The following RBFOX1 variants were observed in gnomAD, a reference collection of about 807,000 sequenced individuals.
RBFOX1 encodes the protein RNA binding fox-1 homolog 1.
A neutral mutation model predicts 57.7 loss-of-function variants in RBFOX1; 8 were observed. That is an observed-to-expected ratio of 0.14 (90% CI 0.08 to 0.25). The LOEUF is 0.25. Ranked by LOEUF, RBFOX1 falls within the 10% of genes least tolerant of loss-of-function variation. The pLI is 1.00. For missense variants in RBFOX1, 611 were observed against 548.5 expected (o/e 1.11, Z -1.14); for synonymous variants, 326 against 222.4 (o/e 1.47, Z -4.15).
intron 4 of RBFOX1, among the ~76,000 whole-genome samples, chr16:7,464,254 A>T (rs1050411307): frequency 6.6e-6 from 1 of 152,204 alleles, no homozygotes; most frequent in Admixed American, 6.5e-5. Context: ...ATAATGGTGG[A>T]CAGTTTAGCC....
At chr16:5,371,519 C>G (rs1248874768) in intron 1 of RBFOX1, among the ~76,000 whole-genome samples, 1 of 152,156 alleles carries the variant, frequency 6.6e-6, no homozygotes, top group African/African-American at 2.4e-5. Flanking sequence ...TTAAGCCACC[C>G]CACCTGTGAC....
At chr16:7,349,497 C>G (rs1422073121) in intron 4 of RBFOX1, among the ~76,000 whole-genome samples, 1 of 151,780 alleles carries the variant, frequency 6.6e-6, no homozygotes, top group Non-Finnish European at 1.5e-5. Flanking sequence ...CCAGCCAGTC[C>G]TTGTCAGAAT....
chr16:7,190,256 G>A (rs2085042185), intron 4 of RBFOX1, among the ~76,000 whole-genome samples: 1 of 152,278 alleles, frequency 6.6e-6, no homozygotes, highest in South Asian at 2.1e-4. Context: ...CGACTCGGGA[G>A]GCTGAGGCAG....
chr16:5,669,255 G>A (rs558004851), intron 3 of RBFOX1, among the ~76,000 whole-genome samples: 36 of 152,050 alleles, frequency 2.4e-4, no homozygotes, highest in African/African-American at 8.0e-4. Flanking sequence ...GCTTGGTGGG[G>A]GAGTGGCCAC....
chr16:6,510,182 C>G (rs370754622), intron 2 of RBFOX1, among the ~76,000 whole-genome samples: 3 of 152,168 alleles, frequency 2.0e-5, no homozygotes, highest in Non-Finnish European at 4.4e-5. Context: ...CTCTCTTCCT[C>G]ATTATAAAGA....
intron 4 of RBFOX1, among the ~76,000 whole-genome samples, chr16:7,287,179 C>G (rs899297617): frequency 4.6e-5 from 7 of 152,142 alleles, no homozygotes; most frequent in African/African-American, 1.2e-4. Flanking sequence ...TCTCATTTGC[C>G]TGAGGAAAGT....
At chr16:6,724,792 A>G (rs551930031) in intron 3 of RBFOX1, among the ~76,000 whole-genome samples, 12 of 152,144 alleles carry the variant, frequency 7.9e-5, no homozygotes, top group African/African-American at 2.9e-4. Flanking sequence ...TTTGTTACAT[A>G]AGTAAATGTG....
intron 1 of RBFOX1, among the ~76,000 whole-genome samples, chr16:5,313,377 A>T (rs903637667): frequency 6.6e-6 from 1 of 152,142 alleles, no homozygotes; most frequent in African/African-American, 2.4e-5. Context: ...CATTAGTGCC[A>T]TTGCTGTGTC....
intron 4 of RBFOX1, among the ~76,000 whole-genome samples, chr16:7,393,217 C>A (rs779455596): frequency 6.6e-6 from 1 of 152,092 alleles, no homozygotes; most frequent in African/African-American, 2.4e-5. Context: ...GTCAATGGTT[C>A]TGAGATCTGA....
intron 1 of RBFOX1, among the ~76,000 whole-genome samples, chr16:6,264,361 C>G (rs76453958): frequency 0.025 from 3,857 of 152,216 alleles, 111 homozygotes; most frequent in African/African-American, 0.07. Flanking sequence ...GCAGTGGGCT[C>G]CAGAGTCATC....
At chr16:7,604,327 G>C (rs553949547) in intron 9 of RBFOX1, among the ~76,000 whole-genome samples, 1 of 152,138 alleles carries the variant, frequency 6.6e-6, no homozygotes, top group Non-Finnish European at 1.5e-5. Flanking sequence ...AGGATGGGAA[G>C]AAGGTTGACA....
intron 3 of RBFOX1, among the ~76,000 whole-genome samples, chr16:7,048,200 T>C (rs1213109678): frequency 6.6e-6 from 1 of 152,028 alleles, no homozygotes; most frequent in Admixed American, 6.6e-5. Context: ...TTTTATTTTT[T>C]TAAAAAAATT....
intron 3 of RBFOX1, among the ~76,000 whole-genome samples, chr16:6,768,916 A>G (rs1405731375): frequency 6.6e-6 from 1 of 151,992 alleles, no homozygotes; most frequent in East Asian, 1.9e-4. Context: ...TTTAGGAGAG[A>G]TGGGGTTTCA....
intron 3 of RBFOX1, among the ~76,000 whole-genome samples, chr16:7,003,529 G>A (rs2093024618): frequency 6.6e-6 from 1 of 151,672 alleles, no homozygotes; most frequent in Non-Finnish European, 1.5e-5. Context: ...TGCTCTCAGG[G>A]ATGCATATTT....
At chr16:6,754,308 C>T (rs1007810319) in intron 3 of RBFOX1, among the ~76,000 whole-genome samples, 1 of 152,124 alleles carries the variant, frequency 6.6e-6, no homozygotes, top group South Asian at 2.1e-4. Flanking sequence ...TATCCTCAAT[C>T]CAAATTGCAT....
At position 5,380,322 on chromosome 16, in the gene RBFOX1, T is replaced by G. The variant is rs543249940; in HGVS notation, c.220-86894T>G. ...GAATTATTCAATCTATCATTGTGCCTCTGTCCCAAGGATAGACGTACAGAG... is the reference window on the plus strand; with the variant it reads ...GAATTATTCAATCTATCATTGTGCCGCTGTCCCAAGGATAGACGTACAGAG... On this transcript the variant is annotated intron_variant, in intron 1 of 2. Coordinates refer to the RBFOX1 transcript ENST00000585867. Among the ~76,000 whole-genome samples the G allele has an allele frequency of 9.2e-5, 14 of 152,312 alleles. No individual in the cohort carries two copies. In the South Asian group the frequency reaches 2.9e-3, roughly 32 times the overall value.
chr16:7,201,711 C>T (rs1286976863), intron 4 of RBFOX1, among the ~76,000 whole-genome samples: 3 of 152,112 alleles, frequency 2.0e-5, no homozygotes, highest in Admixed American at 6.5e-5. Context: ...GGTCCACCCA[C>T]CTCAGCCTCC....
chr16:5,753,237 A>G (rs2053274729), intron 3 of RBFOX1, among the ~76,000 whole-genome samples: 1 of 152,100 alleles, frequency 6.6e-6, no homozygotes, highest in Admixed American at 6.6e-5. Context: ...TGATGTAGCT[A>G]AGTCCTCATA....
intron 5 of RBFOX1, among the ~76,000 whole-genome samples, chr16:7,567,847 A>G (rs1420933302): frequency 2.1e-5 from 3 of 142,680 alleles, no homozygotes; most frequent in African/African-American, 7.8e-5. Flanking sequence ...ATATATACCT[A>G]TATATATCCA....
Sources: allele counts gnomAD v4.1 joint callset (sites outside exome capture counted in the v4.1 genomes callset), GRCh38; gene constraint gnomAD v4.1.1; transcripts MANE v1.5; gene names NCBI Gene and HGNC (gene_info 2026-07-23, HGNC 2026-07-21).